Variants in ST18 observed in about 807,000 individuals in gnomAD.
ST18 encodes ST18 C2H2C-type zinc finger transcription factor.
In ST18, 50 loss-of-function variants were observed where a neutral mutation model predicts 110.0. The observed-to-expected ratio is 0.45, with a 90% CI of 0.36 to 0.58. The LOEUF is 0.58. Ranked by LOEUF, ST18 falls within the 20% of genes least tolerant of loss-of-function variation. The pLI is 0.00. For synonymous variants in ST18, 461 were observed against 452.4 expected (o/e 1.02, Z -0.24); for missense variants, 1,306 against 1,280.1 (o/e 1.02, Z -0.31).
intron 7 of ST18, among the ~76,000 whole-genome samples, chr8:52,212,348 T>G (rs2082486752): frequency 6.6e-6 from 1 of 152,190 alleles, no homozygotes; most frequent in African/African-American, 2.4e-5. Context: ...GATTGGACTT[T>G]CCAGGTACCT....
chr8:52,224,163 GT>G (rs2088243710), intron 3 of ST18, among the ~76,000 whole-genome samples: 1 of 152,040 alleles, frequency 6.6e-6, no homozygotes, highest in Admixed American at 6.5e-5. Flanking sequence ...ACACTCCCAA[GT>G]TTCTAGTTTT....
chr8:52,328,281 A>T (rs962729364), intron 2 of ST18, among the ~76,000 whole-genome samples: 11 of 152,214 alleles, frequency 7.2e-5, no homozygotes, highest in African/African-American at 2.7e-4. Flanking sequence ...ACTTATTAAC[A>T]GGGTGGTCTT....
intron 9 of ST18, among the ~76,000 whole-genome samples, chr8:52,178,378 A>C (rs2067738997): frequency 6.6e-6 from 1 of 152,026 alleles, no homozygotes; most frequent in Non-Finnish European, 1.5e-5. Context: ...CTGTAATCCC[A>C]GCACTTTGGG....
In ST18 at chr8:52,113,954, G is replaced by GTTTTTTTTTTTTTTTTT. The variant is rs1158213340; in HGVS notation, c.3004-633_3004-617dup. On this transcript the variant is annotated intron_variant, in intron 25 of 25. Transcript: ENST00000689386. The stretch of plus-strand genomic sequence containing the variant: ...CAAAGTTTAAATTTATTCATACCGT[G>GTTTTTTTTTTTTTTTTT]TTTTTTTTTTTTTTTTTTTTTTTTT... Among the ~76,000 whole-genome samples the GTTTTTTTTTTTTTTTTT allele has an allele frequency of 5.9e-4, 27 of 45,442 alleles. 10 individuals carry two copies. Among genetic ancestry groups the GTTTTTTTTTTTTTTTTT allele is most frequent in the Non-Finnish European group, 8.3e-4 (22 of 26,492 alleles). The allele number at this position is 45,442 out of a possible 152,430, so 29.8% of individuals were successfully genotyped here. A position where few individuals can be genotyped will look rare whatever the true frequency, so the allele number is the denominator to read the frequency against.
chr8:52,160,469 C>G (rs754540544), intron 14 of ST18, among the ~76,000 whole-genome samples: 1 of 152,194 alleles, frequency 6.6e-6, no homozygotes, highest in Admixed American at 6.5e-5. Context: ...ATTCTGTGCT[C>G]TTAAGACCAC....
intron 2 of ST18, among the ~76,000 whole-genome samples, chr8:52,367,236 T>TACA (rs1554851170): frequency 2.5e-5 from 3 of 120,190 alleles, no homozygotes; most frequent in Non-Finnish European, 5.1e-5. Context: ...GGACCCTGTC[T>TACA]CACACACACA....
intron 2 of ST18, among the ~76,000 whole-genome samples, chr8:52,344,470 G>C (rs570460775): frequency 6.6e-6 from 1 of 151,766 alleles, no homozygotes; most frequent in Non-Finnish European, 1.5e-5. Context: ...GCAGGATCTC[G>C]GCTCACTGCA....
intron 2 of ST18, among the ~76,000 whole-genome samples, chr8:52,260,462 C>A (rs763097254): frequency 3.3e-5 from 5 of 152,158 alleles, no homozygotes; most frequent in Non-Finnish European, 7.3e-5. Flanking sequence ...TGCATGAAAT[C>A]TGGCTGAAGA....
intron 2 of ST18, among the ~76,000 whole-genome samples, chr8:52,261,136 G>A (rs1023702148): frequency 1.3e-5 from 2 of 152,128 alleles, no homozygotes; most frequent in Admixed American, 6.5e-5. Flanking sequence ...TGACACTGAC[G>A]GCTAAAGAGG....
At chr8:52,165,852 C>T (rs370210841) in intron 11 of ST18, among the ~76,000 whole-genome samples, 5 of 152,264 alleles carry the variant, frequency 3.3e-5, no homozygotes, top group African/African-American at 1.2e-4. Context: ...TTTGTTTTGG[C>T]CCAAAAGATG....
chr8:52,377,124 T>C (rs11991408), intron 2 of ST18, among the ~76,000 whole-genome samples: 150,115 of 152,306 alleles, frequency 0.99, 74,012 homozygotes, highest in Middle Eastern at 1. Context: ...TATTAGTACA[T>C]GGAAAAAATT....
intron 15 of ST18, among the ~76,000 whole-genome samples, chr8:52,150,258 ATGTGTG>A (rs10593387): frequency 3.3e-5 from 5 of 149,850 alleles, no homozygotes; most frequent in Non-Finnish European, 5.9e-5. Flanking sequence ...TTTTATGAAA[ATGTGTG>A]TGTGTGTGTG....
intron 2 of ST18, among the ~76,000 whole-genome samples, chr8:52,314,711 C>A (rs1323687801): frequency 1.3e-5 from 2 of 152,224 alleles, no homozygotes; most frequent in Non-Finnish European, 2.9e-5. Flanking sequence ...CCCATCTTCC[C>A]CTAGAACCCT....
intron 2 of ST18, among the ~76,000 whole-genome samples, chr8:52,320,595 G>A (rs1255807479): frequency 6.6e-6 from 1 of 152,102 alleles, no homozygotes; most frequent in Admixed American, 6.5e-5. Flanking sequence ...CCCAAATCCT[G>A]AAAACAAAAA....
intron 2 of ST18, among the ~76,000 whole-genome samples, chr8:52,332,531 T>C (rs1399654225): frequency 7.3e-4 from 3 of 4,086 alleles, no homozygotes; most frequent in Non-Finnish European, 1.6e-3. Context: ...CTAATGTAGC[T>C]TTTTTTTTTT....
At position 52,172,190 on chromosome 8, in the gene ST18, G is replaced by A. The variant is rs1220424516; in HGVS notation, c.671C>T (p.Thr224Ile). 18 of 1,614,120 alleles carry A rather than the reference G, an allele frequency of 1.1e-5. No homozygotes were observed. The highest frequency in any genetic ancestry group is 1.4e-5 in the Non-Finnish European group (17 of 1,180,006). The change falls in exon 10 of 26, where the codon ACA (threonine) becomes ATA (isoleucine). Residue 224 changes from threonine (T) to isoleucine (I), a missense_variant. Coordinates refer to ENST00000689386, the MANE Select transcript of ST18 (RefSeq NM_001352837.2). Reference protein sequence around the residue: ...KPPRVPKYVLTDHKKDLLEVP... With the variant: ...KPPRVPKYVLIDHKKDLLEVP... ...TTCCAATAGGTCTTTTTTATGATCT[G>A]TTAAAACATACTTTGGGACTCTAGG...
intron 18 of ST18, among the ~76,000 whole-genome samples, chr8:52,137,027 T>G (rs1387457108): frequency 6.6e-6 from 1 of 152,180 alleles, no homozygotes; most frequent in Non-Finnish European, 1.5e-5. Flanking sequence ...GTAGAAAGAT[T>G]AAAGCAACTC....
chr8:52,181,396 C>A (rs183265990), intron 8 of ST18, among the ~76,000 whole-genome samples: 38 of 152,240 alleles, frequency 2.5e-4, no homozygotes, highest in Admixed American at 1.6e-3. Flanking sequence ...CGGTTATAGT[C>A]ACACAGGAAC....
chr8:52,134,490 A>G (rs1283288121), intron 19 of ST18, among the ~76,000 whole-genome samples: 1 of 152,248 alleles, frequency 6.6e-6, no homozygotes, highest in Non-Finnish European at 1.5e-5. Context: ...TTTGAGAAAA[A>G]CAATAATCCA....
Sources: gnomAD v4.1 joint callset for allele counts (sites outside exome capture counted in the v4.1 genomes callset) on GRCh38, gnomAD v4.1.1 for gene constraint, MANE v1.5 for transcripts, NCBI Gene and HGNC (gene_info 2026-07-23, HGNC 2026-07-21) for gene names.